The following PIEZO2 variants were observed in gnomAD, a reference collection of about 807,000 sequenced individuals.
PIEZO2 encodes piezo type mechanosensitive ion channel component 2, also known as piezo-type mechanosensitive ion channel component 2.
PIEZO2 carries 172 observed loss-of-function variants against 337.3 expected under a neutral mutation model. The observed-to-expected ratio is 0.51, with a 90% CI of 0.45 to 0.58. The LOEUF is 0.58. PIEZO2 is among the 20% of genes least tolerant of loss of function. PIEZO2 has a pLI of 0.00. For synonymous variants in PIEZO2, 1,251 were observed against 1,228.5 expected (o/e 1.02, Z -0.38); for missense variants, 3,028 against 3,391.3 (o/e 0.89, Z 2.66).
chr18:10,998,476 T>C (rs112670661), intron 2 of PIEZO2, among the ~76,000 whole-genome samples: 47 of 152,206 alleles, frequency 3.1e-4, no homozygotes, highest in African/African-American at 1.1e-3. Context: ...ACAGAAATAA[T>C]TGAGGGTATT....
intron 40 of PIEZO2, 60 bp downstream of exon 40, chr18:10,708,215 A>C (rs1346313003): frequency 7.3e-6 from 1 of 137,782 alleles, no homozygotes; most frequent in African/African-American, 2.8e-5. Flanking sequence ...ATTTGCAGTG[A>C]CATAAAGGGG....
intron 1 of PIEZO2, among the ~76,000 whole-genome samples, chr18:11,138,048 T>C (rs1249561197): frequency 1.3e-5 from 2 of 152,142 alleles, no homozygotes; most frequent in Non-Finnish European, 2.9e-5. Flanking sequence ...TGTTATAAAT[T>C]TTATATTCAA....
chr18:10,908,037 T>C (rs1296436217), intron 4 of PIEZO2, among the ~76,000 whole-genome samples: 1 of 152,238 alleles, frequency 6.6e-6, no homozygotes, highest in African/African-American at 2.4e-5. Flanking sequence ...GAAAATGTGA[T>C]TGTGTGAAGG....
intron 3 of PIEZO2, among the ~76,000 whole-genome samples, chr18:10,935,024 T>A (rs959083240): frequency 2.1e-4 from 32 of 152,178 alleles, no homozygotes; most frequent in Non-Finnish European, 1.5e-5. Flanking sequence ...GCCACCTGGC[T>A]GTGATGTCTG....
rs1375321907 is a variant in PIEZO2 at position 10,707,599 on chromosome 18, G to A, written c.5588+676C>T. 6.6e-6 allele frequency among the ~76,000 whole-genome samples: 1 copy of A among 152,170 alleles called. No homozygotes were observed. The highest frequency in any genetic ancestry group is 2.4e-5 in the African/African-American group (1 of 41,446). ...ACCATCCTAAGGCAATTCAAAAAGA[G>A]TTTTCGGGTTGTATGCAAATAATTT... On this transcript the variant is annotated intron_variant, in intron 40 of 55. Coordinates refer to ENST00000674853, the MANE Select transcript of PIEZO2 (RefSeq NM_001378183.1). This position sits in a 1 kb window ranked among gnomAD's most constrained non-coding sequence, Gnocchi z 4.2.
chr18:10,998,211 A>C (rs946129901), intron 2 of PIEZO2, among the ~76,000 whole-genome samples: 7 of 152,134 alleles, frequency 4.6e-5, no homozygotes, highest in Admixed American at 1.3e-4. Context: ...GAGGAAGGAA[A>C]ATTAACCTGC....
intron 52 of PIEZO2, among the ~76,000 whole-genome samples, chr18:10,678,761 G>A (rs1360802440): frequency 6.6e-6 from 1 of 152,136 alleles, no homozygotes; most frequent in Non-Finnish European, 1.5e-5. Flanking sequence ...CAAAGCAGGG[G>A]CCACGTGCTG....
chr18:10,782,549 A>G (rs1259949183), intron 17 of PIEZO2, among the ~76,000 whole-genome samples: 1 of 139,118 alleles, frequency 7.2e-6, no homozygotes, highest in Non-Finnish European at 1.5e-5. Context: ...TAAAATTTTC[A>G]TAGAACGAAA....
chr18:10,871,211 C>G (rs1018024317), intron 5 of PIEZO2, 42 bp downstream of exon 5: 1 of 1,511,350 alleles, frequency 6.6e-7, no homozygotes, highest in Non-Finnish European at 8.9e-7. Context: ...GGGTCAAGGT[C>G]CTCAGAAATC....
rs760544140 is a variant in PIEZO2, at chr18:11,032,709, A to ATG, written c.160+33416_160+33417dup. 3.9e-5 allele frequency among the ~76,000 whole-genome samples: 6 copies of ATG among 152,164 alleles called. No homozygotes were observed. Among genetic ancestry groups the ATG allele is most frequent in the Non-Finnish European group, 7.4e-5 (5 of 68,020 alleles). On this transcript the variant is annotated intron_variant, in intron 2 of 55. Transcript: ENST00000674853. The surrounding 1 kb of genome is among the most constrained non-coding windows in gnomAD (Gnocchi z 4.9). ...CACAGTAGCAGAAATCTCTCTATGC[A>ATG]TGTGTGTGTGTGAATATGTGCACAC...
At chr18:10,776,478 A>G (rs2038790715) in intron 18 of PIEZO2, among the ~76,000 whole-genome samples, 1 of 152,232 alleles carries the variant, frequency 6.6e-6, no homozygotes, top group African/African-American at 2.4e-5. Flanking sequence ...GAGCCTGCAC[A>G]ATGATGGATG....
At chr18:10,791,466 C>T in intron 13 of PIEZO2, 142 bp from the exon 14 acceptor site, 1 of 915,908 alleles carries the variant, frequency 1.1e-6, no homozygotes, top group Middle Eastern at 3.6e-4. Context: ...AGGTCACCTG[C>T]TTGACTTCAG....
intron 4 of PIEZO2, among the ~76,000 whole-genome samples, chr18:10,893,998 G>A (rs1405110188): frequency 6.6e-6 from 1 of 152,178 alleles, no homozygotes; most frequent in African/African-American, 2.4e-5. Flanking sequence ...TCAGATGATG[G>A]TCAGGTGGTT....
rs1294394930 is a variant in PIEZO2, at chr18:10,677,915, C to A, written c.7953-40G>T. ...AAAAAGCTTAATGTCAGTGATTATTCAGAAGTCTGGAAAAGAGATTTACAA... is the reference window on the plus strand; with the variant it reads ...AAAAAGCTTAATGTCAGTGATTATTAAGAAGTCTGGAAAAGAGATTTACAA... On this transcript the variant is annotated intron_variant, in intron 52 of 55. Transcript: ENST00000674853. This position sits in a 1 kb window ranked among gnomAD's most constrained non-coding sequence, Gnocchi z 4.1. 1.3e-6 allele frequency: 2 copies of A among 1,527,736 alleles called. No homozygotes were observed. Among genetic ancestry groups the A allele is most frequent in the South Asian group, 1.2e-5 (1 of 82,062 alleles). 94.6% of individuals were successfully genotyped at this position (1,527,736 alleles called of 1,614,324 possible). A position where few individuals can be genotyped will look rare whatever the true frequency, so the allele number is the denominator to read the frequency against.
chr18:10,889,263 A>C (rs1424207929), intron 4 of PIEZO2, among the ~76,000 whole-genome samples: 1 of 152,194 alleles, frequency 6.6e-6, no homozygotes, highest in East Asian at 1.9e-4. Context: ...ATAAACTACC[A>C]CTGAGCAAAT....
chr18:11,044,348 G>A (rs542670280), intron 2 of PIEZO2, among the ~76,000 whole-genome samples: 3 of 151,992 alleles, frequency 2.0e-5, no homozygotes, highest in Non-Finnish European at 2.9e-5. Flanking sequence ...TTTCACACCC[G>A]CTTCTTTGCA....
At chr18:10,886,441 G>A (rs1353956312) in intron 4 of PIEZO2, among the ~76,000 whole-genome samples, 1 of 48,786 alleles carries the variant, frequency 2.0e-5, no homozygotes, top group Non-Finnish European at 3.6e-5. Context: ...CCAGCATTGG[G>A]GATTACAATT....
In PIEZO2 at chr18:11,047,411, C is replaced by T. The variant is rs2037354518; in HGVS notation, c.160+18716G>A. Among the ~76,000 whole-genome samples the T allele has an allele frequency of 6.6e-6, 1 of 152,152 alleles. No homozygotes were observed. The highest frequency in any genetic ancestry group is 1.5e-5 in the Non-Finnish European group (1 of 68,032). The stretch of plus-strand genomic sequence containing the variant: ...GCAGCAAAGGCTCCTGCCTATCCCA[C>T]AAGACGGCCCGGGGGAATTGTCCAA... On this transcript the variant is annotated intron_variant, in intron 2 of 55. Transcript: ENST00000674853. The surrounding 1 kb of genome is among the most constrained non-coding windows in gnomAD (Gnocchi z 7.2).
intron 27 of PIEZO2, among the ~76,000 whole-genome samples, chr18:10,753,489 G>A (rs4797480): frequency 0.21 from 32,084 of 152,172 alleles, 3,940 homozygotes; most frequent in South Asian, 0.28. Context: ...GCGTTCCGGT[G>A]TCAGTCTTGC....
Sources: gnomAD v4.1 joint callset for allele counts (sites outside exome capture counted in the v4.1 genomes callset) on GRCh38, gnomAD v4.1.1 for gene constraint, Gnocchi (gnomAD v3.1) non-coding constraint, MANE v1.5 for transcripts, NCBI Gene and HGNC (gene_info 2026-07-23, HGNC 2026-07-21) for gene names.